The following GSTCD variants were observed in gnomAD, a reference collection of about 807,000 sequenced individuals.
GSTCD encodes the protein glutathione S-transferase C-terminal domain containing, also known as glutathione S-transferase C-terminal domain-containing protein.
GSTCD carries 44 observed loss-of-function variants against 68.3 expected under a neutral mutation model. The ratio of observed to expected loss-of-function variants is 0.64; its 90% CI spans 0.51 to 0.83. The LOEUF is 0.83. Among genes scored for constraint, GSTCD ranks in the 40% least tolerant of loss-of-function variants. GSTCD has a pLI of 0.00. For missense variants in GSTCD, 739 were observed against 735.9 expected, an observed-to-expected ratio of 1.00 and a Z score of -0.05; for synonymous variants, 273 against 255.2, an observed-to-expected ratio of 1.07 and a Z score of -0.67.
chr4:105,743,459 CA>C (rs1733702492), intron 5 of GSTCD, among the ~76,000 whole-genome samples: 1 of 151,894 alleles, frequency 6.6e-6, no homozygotes, highest in African/African-American at 2.4e-5. Context: ...TTTATCTAGG[CA>C]ACTCTTTAAA....
At chr4:105,784,058 A>G (rs899830264) in intron 5 of GSTCD, among the ~76,000 whole-genome samples, 1 of 152,190 alleles carries the variant, frequency 6.6e-6, no homozygotes, top group Non-Finnish European at 1.5e-5. Context: ...CCTAGTTAAT[A>G]TGGCACCTGC....
Position 105,717,954 on chromosome 4 carries a change from A to G in GSTCD, c.341A>G (p.Gln114Arg). Reference protein sequence around the residue: ...GLAVVLRHIIQKSYEADPLKK... With the variant: ...GLAVVLRHIIRKSYEADPLKK... ...GCTGTTGTATTGAGACACATAATCC[A>G]GAAATCCTATGAAGCAGACCCCTTA... The change falls in exon 2 of 12, where the codon CAG (glutamine) becomes CGG (arginine). Residue 114 changes from glutamine to arginine, a missense_variant. Coordinates refer to ENST00000515279, the MANE Select transcript of GSTCD (RefSeq NM_001370181.1). 6.2e-7 allele frequency: 1 copy of G among 1,614,116 alleles called. No homozygotes were observed. Among genetic ancestry groups the G allele is most frequent in the Non-Finnish European group, 8.5e-7 (1 of 1,179,976 alleles).
chr4:105,714,896 C>A (rs1732639226), intron 1 of GSTCD, among the ~76,000 whole-genome samples: 1 of 151,966 alleles, frequency 6.6e-6, no homozygotes, highest in South Asian at 2.1e-4. Flanking sequence ...TTCTTATGTG[C>A]CTTACAACGT....
intron 5 of GSTCD, among the ~76,000 whole-genome samples, chr4:105,780,647 G>C (rs1474333811): frequency 6.6e-6 from 1 of 152,106 alleles, no homozygotes; most frequent in Non-Finnish European, 1.5e-5. Context: ...TTAACTTTTA[G>C]AGATTAGTTT....
intron 8 of GSTCD, among the ~76,000 whole-genome samples, chr4:105,828,006 T>A (rs1015012116): frequency 3.3e-5 from 5 of 152,092 alleles, no homozygotes; most frequent in Non-Finnish European, 5.9e-5. Context: ...AAAATGCTCA[T>A]TTTGCATTAA....
chr4:105,814,942 A>G (rs1364315181), intron 5 of GSTCD, among the ~76,000 whole-genome samples: 1 of 152,228 alleles, frequency 6.6e-6, no homozygotes, highest in African/African-American at 2.4e-5. Flanking sequence ...TGTAACTTGT[A>G]TGAATAGCCC....
At chr4:105,805,681 T>C (rs1722459408) in intron 5 of GSTCD, among the ~76,000 whole-genome samples, 1 of 152,092 alleles carries the variant, frequency 6.6e-6, no homozygotes, top group East Asian at 1.9e-4. Flanking sequence ...TTTTCAGTGC[T>C]GAATAAAAAT....
intron 5 of GSTCD, 25 bp from the exon 6 acceptor site, chr4:105,822,929 G>T (rs553824300): frequency 1.3e-6 from 2 of 1,533,300 alleles, no homozygotes. Context: ...AATGTTTTGT[G>T]TTCTTCATTT....
chr4:105,795,077 T>C (rs1467962149), intron 5 of GSTCD, among the ~76,000 whole-genome samples: 1 of 151,994 alleles, frequency 6.6e-6, no homozygotes, highest in African/African-American at 2.4e-5. Context: ...GGTTTCACCA[T>C]GTTGGCCAGG....
At chr4:105,735,017 T>G (rs904111665) in intron 5 of GSTCD, among the ~76,000 whole-genome samples, 9 of 152,214 alleles carry the variant, frequency 5.9e-5, no homozygotes, top group Non-Finnish European at 1.0e-4. Context: ...CAGCAAATGT[T>G]GCTGCCTGAT....
chr4:105,717,548 AATGATT>A, intron 1 of GSTCD, 39 bp from the exon 2 acceptor site: 1 of 1,170,130 alleles, frequency 8.5e-7, no homozygotes, highest in Non-Finnish European at 1.2e-6. Flanking sequence ...TTAGCTTCTA[AATGATT>A]ATATTCTAAG....
At chr4:105,764,736 G>A (rs926649782) in intron 5 of GSTCD, among the ~76,000 whole-genome samples, 1 of 152,124 alleles carries the variant, frequency 6.6e-6, no homozygotes, top group African/African-American at 2.4e-5. Context: ...AGTCATGTTG[G>A]AGGTTAGGCT....
At position 105,758,933 on chromosome 4, in the gene GSTCD, G is replaced by A. The variant is rs183506417; in HGVS notation, c.1240+29434G>A. ...TCATCACAAGGTTAGATATTTGCAG[G>A]TATTTGGTTTAATATCTGACATCAT... On this transcript the variant is annotated intron_variant, in intron 5 of 11. Coordinates refer to ENST00000515279, the MANE Select transcript of GSTCD (RefSeq NM_001370181.1). Among the ~76,000 whole-genome samples the A allele has an allele frequency of 7.0e-4, 107 of 152,184 alleles. 1 individual carries two copies. The highest frequency in any genetic ancestry group is 3.5e-3 in the South Asian group (17 of 4,818).
At position 105,845,659 on chromosome 4, in the gene GSTCD, T is replaced by C; in HGVS notation, c.*82T>C. The C allele has an allele frequency of 6.9e-7, 1 of 1,446,498 alleles. No homozygotes were observed. Among genetic ancestry groups the C allele is most frequent in the South Asian group, 1.2e-5 (1 of 85,224 alleles). The allele number at this position is 1,446,498 out of a possible 1,614,324, so 89.6% of individuals were successfully genotyped here. A position where few individuals can be genotyped will look rare whatever the true frequency, so the allele number is the denominator to read the frequency against. ...GCATTCAGGAGGTTCTTGGCATAAC[T>C]AGGAAACAGCATTAGCCATCTTGAA... On this transcript the variant is annotated 3_prime_UTR_variant, in exon 12 of 12. Transcript: ENST00000515279.
At chr4:105,795,259 A>G (rs189389570) in intron 5 of GSTCD, among the ~76,000 whole-genome samples, 199 of 152,208 alleles carry the variant, frequency 1.3e-3, no homozygotes, top group Non-Finnish European at 1.2e-3. Context: ...AATGTATCTT[A>G]TAAAAGCTGT....
In GSTCD at chr4:105,745,875, T is replaced by C. The variant is rs185352596; in HGVS notation, c.1240+16376T>C. ...TAATCTCTTTTGTTCACATATTTGA[T>C]GTCTTAGAAATATGGCCCCATTAAA... is the stretch of plus-strand genomic sequence containing the variant. On this transcript the variant is annotated intron_variant, in intron 5 of 11. Transcript: ENST00000515279. Among the ~76,000 whole-genome samples, 26 of 152,340 alleles carry C rather than the reference T, an allele frequency of 1.7e-4. No individual in the cohort carries two copies. In the East Asian group the frequency reaches 5.0e-3, roughly 29 times the overall value.
intron 5 of GSTCD, 36 bp from the exon 6 acceptor site, chr4:105,822,918 T>C: frequency 6.8e-7 from 1 of 1,472,488 alleles, no homozygotes; most frequent in Non-Finnish European, 9.5e-7. Flanking sequence ...TCAAAATATA[T>C]AATGTTTTGT....
intron 5 of GSTCD, among the ~76,000 whole-genome samples, chr4:105,766,396 C>T (rs1166404180): frequency 2.0e-5 from 3 of 152,148 alleles, no homozygotes; most frequent in African/African-American, 7.2e-5. Context: ...TACTAATAGC[C>T]TTCATTGGTC....
chr4:105,774,273 A>G (rs1354735611), intron 5 of GSTCD, among the ~76,000 whole-genome samples: 4 of 152,170 alleles, frequency 2.6e-5, no homozygotes, highest in Non-Finnish European at 5.9e-5. Flanking sequence ...GCTCTCTTGA[A>G]TAGAGCACAC....
Sources: allele counts gnomAD v4.1 joint callset (sites outside exome capture counted in the v4.1 genomes callset), GRCh38; gene constraint gnomAD v4.1.1; transcripts MANE v1.5; gene names NCBI Gene and HGNC (gene_info 2026-07-23, HGNC 2026-07-21).